Variants in PHF11 observed in about 807,000 individuals in gnomAD.
PHF11 encodes BRCA1 C-terminus-associated protein.
A neutral mutation model predicts 40.5 loss-of-function variants in PHF11; 38 were observed. The ratio of observed to expected loss-of-function variants is 0.94; its 90% CI spans 0.72 to 1.23. PHF11 has a LOEUF of 1.23. PHF11 is among the 50% of genes most tolerant of loss of function. PHF11 has a pLI of 0.00. For missense variants in PHF11, 369 were observed against 392.4 expected (o/e 0.94, Z 0.50); for synonymous variants, 127 against 138.2 (o/e 0.92, Z 0.57).
At chr13:49,496,370 G>T in intron 1 of PHF11, 1 of 1,156,878 alleles carries the variant, frequency 8.6e-7, no homozygotes, top group Admixed American at 4.7e-5. Flanking sequence ...GCACGCTTCG[G>T]TTTACCTCCC....
At chr13:49,511,687 T>G (rs1379644857) in intron 2 of PHF11, among the ~76,000 whole-genome samples, 1 of 152,184 alleles carries the variant, frequency 6.6e-6, no homozygotes, top group Non-Finnish European at 1.5e-5. Flanking sequence ...TCTGGGCTTG[T>G]TTTTTGTTTT....
intron 1 of PHF11, among the ~76,000 whole-genome samples, chr13:49,502,315 T>TATA (rs1258191077): frequency 2.0e-5 from 3 of 146,814 alleles, no homozygotes; most frequent in African/African-American, 8.2e-5. Context: ...ATAAATAAAT[T>TATA]GATTAATTAA....
intron 2 of PHF11, 133 bp downstream of exon 2, chr13:49,506,889 G>T: frequency 4.3e-6 from 2 of 464,718 alleles, no homozygotes; most frequent in Non-Finnish European, 7.3e-6. Flanking sequence ...TGAAGATTGG[G>T]GAGCATTTCT....
At chr13:49,511,356 C>T (rs1335119554) in intron 2 of PHF11, among the ~76,000 whole-genome samples, 6 of 81,814 alleles carry the variant, frequency 7.3e-5, no homozygotes, top group South Asian at 3.8e-4. Context: ...GACGGAGTTT[C>T]GCTTTTTTTG....
At position 49,520,943 on chromosome 13, in the gene PHF11, A is replaced by C. The variant is rs759547920; in HGVS notation, c.505+3A>C. 25 of 1,577,770 alleles carry C rather than the reference A, an allele frequency of 1.6e-5. No individual in the cohort carries two copies. Among genetic ancestry groups the C allele is most frequent in the Non-Finnish European group, 2.1e-5 (24 of 1,152,900 alleles). On this transcript the variant is annotated splice_donor_region_variant and intron_variant, in intron 5 of 9. Transcript: ENST00000378319. ...ATTCCCGATCATCGCTCAAAGTGGT[A>C]AGTTTCTAAAATTTAGCACTGTGGG...
Position 49,495,969 on chromosome 13 carries a change from T to G in PHF11, c.-33T>G. The G allele has an allele frequency of 7.0e-7, 1 of 1,423,930 alleles. No individual in the cohort carries two copies. Among genetic ancestry groups the G allele is most frequent in the Non-Finnish European group, 9.4e-7 (1 of 1,061,202 alleles). The allele number at this position is 1,423,930 out of a possible 1,614,324, so 88.2% of individuals were successfully genotyped here. On this transcript the variant is annotated 5_prime_UTR_variant, in exon 1 of 10. Transcript: ENST00000378319. The stretch of plus-strand genomic sequence containing the variant: ...AGCTGGGGCACTTCCGGGATCTCGC[T>G]ATCCGGCCGCCACCCGCAGCTGCAG...
chr13:49,497,415 AC>A (rs760245688), intron 1 of PHF11, among the ~76,000 whole-genome samples: 5 of 151,736 alleles, frequency 3.3e-5, no homozygotes, highest in Non-Finnish European at 5.9e-5. Context: ...CCTTGCAAAA[AC>A]CTTAGTGGCT....
chr13:49,524,150 G>A lies in PHF11; in HGVS notation c.703G>A (p.Glu235Lys). 6.2e-7 allele frequency: 1 copy of A among 1,606,022 alleles called. No homozygotes were observed. The highest frequency in any genetic ancestry group is 8.5e-7 in the Non-Finnish European group (1 of 1,173,458). Residue 235 changes from glutamate to lysine, a missense_variant, in exon 8 of 10, where the codon GAA becomes AAA. Glu to Lys is a moderately conservative substitution (Grantham distance 56). Transcript: ENST00000378319. ...AGCAGGACTTCTTAATTACTTACTT[G>A]AAGAAATATTAGACAAAGTTCATTC... ...KEAGLLNYLLEEILDKVHSIP... is the reference protein window; with the variant it reads ...KEAGLLNYLLKEILDKVHSIP...
At chr13:49,499,429 C>G (rs1228037790) in intron 1 of PHF11, among the ~76,000 whole-genome samples, 1 of 152,222 alleles carries the variant, frequency 6.6e-6, no homozygotes, top group African/African-American at 2.4e-5. Flanking sequence ...CTCTATAACA[C>G]ACACATCCTT....
At chr13:49,503,806 C>A (rs1478595099) in intron 1 of PHF11, among the ~76,000 whole-genome samples, 1 of 152,052 alleles carries the variant, frequency 6.6e-6, no homozygotes, top group Non-Finnish European at 1.5e-5. Flanking sequence ...AATTTCAGCT[C>A]ACTGCAGCCT....
chr13:49,509,580 T>A (rs1467403063), intron 2 of PHF11, among the ~76,000 whole-genome samples: 1 of 152,122 alleles, frequency 6.6e-6, no homozygotes, highest in Non-Finnish European at 1.5e-5. Flanking sequence ...TCACCTTGAA[T>A]TGTAATAATC....
At chr13:49,504,653 G>A (rs973693960) in intron 1 of PHF11, among the ~76,000 whole-genome samples, 1 of 150,316 alleles carries the variant, frequency 6.7e-6, no homozygotes, top group Non-Finnish European at 1.5e-5. Flanking sequence ...GCCTCTGCCC[G>A]GCCGCCCCTA....
At chr13:49,496,260 T>G (rs1354878440) in intron 1 of PHF11, 165 bp downstream of exon 1, 1 of 647,316 alleles carries the variant, frequency 1.5e-6, no homozygotes, top group Non-Finnish European at 2.2e-6. Context: ...GGCTCACCAC[T>G]CGCGTGCCTG....
intron 1 of PHF11, among the ~76,000 whole-genome samples, chr13:49,500,054 G>A (rs1005417423): frequency 6.6e-6 from 1 of 152,172 alleles, no homozygotes; most frequent in Admixed American, 6.5e-5. Flanking sequence ...GCAGATTGCC[G>A]GAGAGATTAA....
chr13:49,515,442 G>A (rs1959138212), intron 3 of PHF11, among the ~76,000 whole-genome samples: 1 of 142,234 alleles, frequency 7.0e-6, no homozygotes, highest in African/African-American at 2.6e-5. Context: ...AAAAAGTACA[G>A]TTCCATCTCC....
intron 1 of PHF11, among the ~76,000 whole-genome samples, chr13:49,503,373 C>T (rs1171474558): frequency 2.6e-5 from 4 of 152,224 alleles, no homozygotes; most frequent in African/African-American, 9.6e-5. Context: ...TTGGCAGTTG[C>T]ACTTTGTGAC....
intron 9 of PHF11, 126 bp from the exon 10 acceptor site, chr13:49,528,385 A>T: frequency 1.5e-6 from 1 of 649,062 alleles, no homozygotes; most frequent in Non-Finnish European, 2.6e-6. Context: ...AAGGCTCTGG[A>T]TCCTTTTCAC....
In PHF11 at chr13:49,506,657, G is replaced by C. The variant is rs868343731; in HGVS notation, c.117G>C (p.Lys39Asn). Residue 39 changes from lysine to asparagine, a missense_variant, in exon 2 of 10, where the codon AAG becomes AAC. Lys to Asn is a moderately conservative substitution (Grantham distance 94, BLOSUM62 0). Transcript: ENST00000378319. ...TAGGTGTCTTTCAGGTTGCAGAAAA[G>C]ATGGAAAAAAGGACATGTGCACTCT... The part of the protein sequence containing the change: ...LPTGVFQVAE[K>N]MEKRTCALCP... 6.2e-7 allele frequency: 1 copy of C among 1,613,184 alleles called. No homozygotes were observed.
intron 3 of PHF11, among the ~76,000 whole-genome samples, chr13:49,516,229 T>G (rs555835813): frequency 2.0e-5 from 3 of 152,110 alleles, no homozygotes; most frequent in Non-Finnish European, 4.4e-5. Context: ...CGTTTTAAAC[T>G]TTGCTTTATT....
Sources: allele counts gnomAD v4.1 joint callset (sites outside exome capture counted in the v4.1 genomes callset), GRCh38; gene constraint gnomAD v4.1.1; transcripts MANE v1.5; gene names NCBI Gene and HGNC (gene_info 2026-07-23, HGNC 2026-07-21).